Variants in FARS2 observed in about 807,000 individuals in gnomAD.
FARS2 encodes phenylalanyl-tRNA synthetase 2, mitochondrial, also known as phenylalanine--tRNA ligase, mitochondrial.
A neutral mutation model predicts 46.4 loss-of-function variants in FARS2; 40 were observed. The observed-to-expected ratio is 0.86, with a 90% confidence interval of 0.67 to 1.12. The LOEUF (loss-of-function observed/expected upper bound fraction) is 1.12, where lower values mean the gene tolerates loss of function less well. Among genes scored for constraint, FARS2 ranks in the 50% most tolerant of loss-of-function variants. The pLI, the probability that FARS2 is intolerant of heterozygous loss-of-function variation, is 0.00. For synonymous variants in FARS2, 234 were observed against 214.9 expected (o/e 1.09, Z -0.78); for missense variants, 513 against 567.9 (o/e 0.90, Z 0.98).
intron 6 of FARS2, among the ~76,000 whole-genome samples, chr6:5,623,443 G>A (rs1775872515): frequency 6.6e-6 from 1 of 152,212 alleles, no homozygotes; most frequent in African/African-American, 2.4e-5. Context: ...GCCGGGCACG[G>A]TGGCTCATGT....
At chr6:5,612,299 A>G (rs1413762596) in intron 5 of FARS2, among the ~76,000 whole-genome samples, 5 of 152,216 alleles carry the variant, frequency 3.3e-5, no homozygotes, top group Admixed American at 2.6e-4. Context: ...GGCATAAATT[A>G]GTTTGTAAAT....
intron 5 of FARS2, among the ~76,000 whole-genome samples, chr6:5,584,081 C>T (rs1455408249): frequency 5.1e-5 from 6 of 116,594 alleles, no homozygotes; most frequent in South Asian, 2.9e-4. Flanking sequence ...TAGCTCCCCC[C>T]GACATTCTCT....
At chr6:5,357,581 A>C (rs936685555) in intron 1 of FARS2, among the ~76,000 whole-genome samples, 2 of 152,248 alleles carry the variant, frequency 1.3e-5, no homozygotes, top group Non-Finnish European at 2.9e-5. Flanking sequence ...CATAGAGGTA[A>C]AACATCTCTG....
chr6:5,413,825 T>G (rs961122549), intron 3 of FARS2, among the ~76,000 whole-genome samples: 9 of 152,150 alleles, frequency 5.9e-5, no homozygotes, highest in African/African-American at 2.2e-4. Context: ...TACAAATCCC[T>G]TTTTTTCTGT....
At chr6:5,375,462 A>G (rs1185636000) in intron 2 of FARS2, among the ~76,000 whole-genome samples, 4 of 152,054 alleles carry the variant, frequency 2.6e-5, no homozygotes, top group Non-Finnish European at 2.9e-5. Flanking sequence ...TAGGAAAACA[A>G]TATCATGAAG....
intron 5 of FARS2, among the ~76,000 whole-genome samples, chr6:5,569,731 G>T (rs373625148): frequency 6.6e-6 from 1 of 152,166 alleles, no homozygotes; most frequent in African/African-American, 2.4e-5. Context: ...TCAGAGCTGA[G>T]CCCTTTAAGA....
intron 4 of FARS2, among the ~76,000 whole-genome samples, chr6:5,436,245 G>A (rs1013619463): frequency 4.6e-5 from 7 of 152,188 alleles, no homozygotes; most frequent in African/African-American, 1.4e-4. Flanking sequence ...TTAGGTTCTT[G>A]TTTGCAAGGA....
At chr6:5,340,429 G>A (rs1361723553) in intron 1 of FARS2, among the ~76,000 whole-genome samples, 1 of 152,138 alleles carries the variant, frequency 6.6e-6, no homozygotes, top group Non-Finnish European at 1.5e-5. Context: ...TAATCCTACT[G>A]TGTTTTCATT....
chr6:5,747,194 G>T (rs1761696241), intron 6 of FARS2, among the ~76,000 whole-genome samples: 1 of 152,232 alleles, frequency 6.6e-6, no homozygotes, highest in African/African-American at 2.4e-5. Flanking sequence ...AGGTCACAAA[G>T]ATCAGGCGAG....
At position 5,757,854 on chromosome 6, in the gene FARS2, C is replaced by T. The variant is rs189811416; in HGVS notation, c.1218-13437C>T. On this transcript the variant is annotated intron_variant, in intron 6 of 6. Coordinates refer to ENST00000274680, the MANE Select transcript of FARS2 (RefSeq NM_006567.5). ...TTGTTCATTGTCTCTATTGTTGCTA[C>T]GGTTACTATTAATAAAATGTCTTCA... Among the ~76,000 whole-genome samples, 38 of 152,274 alleles carry T rather than the reference C, an allele frequency of 2.5e-4. No individual in the cohort carries two copies. In the East Asian group the frequency reaches 3.7e-3, roughly 15 times the overall value.
chr6:5,690,009 T>C (rs1016287722), intron 6 of FARS2, among the ~76,000 whole-genome samples: 4 of 152,244 alleles, frequency 2.6e-5, no homozygotes, highest in Non-Finnish European at 5.9e-5. Context: ...TATCCAAGAC[T>C]AGGATTGCAA....
intron 5 of FARS2, among the ~76,000 whole-genome samples, chr6:5,574,347 A>G (rs1418727296): frequency 6.6e-6 from 1 of 151,976 alleles, no homozygotes; most frequent in African/African-American, 2.4e-5. Context: ...GATGGTCTCG[A>G]TCTCCTGACC....
chr6:5,478,252 A>G (rs1337068478), intron 4 of FARS2, among the ~76,000 whole-genome samples: 2 of 152,216 alleles, frequency 1.3e-5, no homozygotes, highest in African/African-American at 4.8e-5. Context: ...ACCAGTTACT[A>G]TTTAACCTGG....
intron 6 of FARS2, among the ~76,000 whole-genome samples, chr6:5,758,662 C>G (rs1762334673): frequency 6.6e-6 from 1 of 152,180 alleles, no homozygotes; most frequent in African/African-American, 2.4e-5. Flanking sequence ...ATGTGTTCCC[C>G]TAAATGAGTT....
chr6:5,643,303 CG>C (rs1554120071), intron 6 of FARS2, among the ~76,000 whole-genome samples: 1 of 152,124 alleles, frequency 6.6e-6, no homozygotes, highest in Non-Finnish European at 1.5e-5. Flanking sequence ...AATCAATGAG[CG>C]CTGCCACAGC....
chr6:5,672,949 C>T (rs937029133), intron 6 of FARS2, among the ~76,000 whole-genome samples: 8 of 152,194 alleles, frequency 5.3e-5, no homozygotes, highest in African/African-American at 1.7e-4. Context: ...TTCTGTGACA[C>T]CCTAGCCATT....
chr6:5,613,393 A>G (rs1178418966), intron 6 of FARS2, 73 bp downstream of exon 6: 2 of 1,410,710 alleles, frequency 1.4e-6, no homozygotes, highest in African/African-American at 2.9e-5. Flanking sequence ...GCATATCATA[A>G]AATTTGCTGA....
intron 6 of FARS2, among the ~76,000 whole-genome samples, chr6:5,740,146 G>A (rs1311194807): frequency 2.0e-5 from 3 of 152,252 alleles, no homozygotes; most frequent in East Asian, 3.9e-4. Flanking sequence ...GCTGTGTGCT[G>A]GTAGGGAATG....
At chr6:5,724,185 G>A (rs1242429803) in intron 6 of FARS2, among the ~76,000 whole-genome samples, 1 of 152,242 alleles carries the variant, frequency 6.6e-6, no homozygotes, top group Non-Finnish European at 1.5e-5. Context: ...CCTTTCCTAA[G>A]GAAGGGTTGG....
Sources: gnomAD v4.1 joint callset for allele counts (sites outside exome capture counted in the v4.1 genomes callset) on GRCh38, gnomAD v4.1.1 for gene constraint, MANE v1.5 for transcripts, NCBI Gene and HGNC (gene_info 2026-07-23, HGNC 2026-07-21) for gene names.